Variants in AGAP1 observed in about 807,000 individuals in gnomAD.
The protein encoded by AGAP1 is ArfGAP with GTPase domain, ankyrin repeat and PH domain 1.
A neutral mutation model predicts 105.3 loss-of-function variants in AGAP1; 29 were observed. That is an observed-to-expected ratio of 0.28 (90% CI 0.21 to 0.38). The LOEUF (loss-of-function observed/expected upper bound fraction) is 0.38. AGAP1 is among the 10% of genes least tolerant of loss of function. AGAP1 has a pLI of 1.00. For missense variants in AGAP1, 998 were observed against 1,165.1 expected, an observed-to-expected ratio of 0.86 and a Z score of 2.09; for synonymous variants, 509 against 485.9, an observed-to-expected ratio of 1.05 and a Z score of -0.63.
intron 11 of AGAP1, among the ~76,000 whole-genome samples, chr2:235,926,390 A>G (rs2052446286): frequency 6.6e-6 from 1 of 152,160 alleles, no homozygotes; most frequent in Admixed American, 6.5e-5. Flanking sequence ...GAGATGCTCC[A>G]TGGGCGTGTT....
intron 1 of AGAP1, among the ~76,000 whole-genome samples, chr2:235,563,997 G>T (rs1432212674): frequency 6.6e-6 from 1 of 152,108 alleles, no homozygotes; most frequent in Non-Finnish European, 1.5e-5. Flanking sequence ...ATGCCTCCTG[G>T]AGCCTCTTTG....
At chr2:235,591,046 C>T (rs538285077) in intron 1 of AGAP1, among the ~76,000 whole-genome samples, 2 of 147,424 alleles carry the variant, frequency 1.4e-5, no homozygotes, top group African/African-American at 4.9e-5. Context: ...GAGACAGTCT[C>T]GCTCTGTTGC....
intron 1 of AGAP1, among the ~76,000 whole-genome samples, chr2:235,653,585 A>G (rs918108322): frequency 6.6e-6 from 1 of 152,230 alleles, no homozygotes; most frequent in Non-Finnish European, 1.5e-5. Flanking sequence ...CATCTCTTCT[A>G]CCTGAGTGGA....
chr2:235,957,920 C>A lies in AGAP1; in HGVS notation c.1484-10542C>A, dbSNP rs536090990. Among the ~76,000 whole-genome samples the A allele has an allele frequency of 6.6e-6, 1 of 152,008 alleles. No homozygotes were observed. Among genetic ancestry groups the A allele is most frequent in the Non-Finnish European group, 1.5e-5 (1 of 67,986 alleles). On this transcript the variant is annotated intron_variant, in intron 12 of 17. Coordinates refer to ENST00000304032, the MANE Select transcript of AGAP1 (RefSeq NM_001037131.3). The surrounding 1 kb of genome is among the most constrained non-coding windows in gnomAD (Gnocchi z 4.6). ...TTGATAATTTTAAATTATTTTAATA[C>A]CAAGCAAAAAAGGATTTTTAGTCAT...
intron 1 of AGAP1, among the ~76,000 whole-genome samples, chr2:235,589,913 T>G (rs1363744005): frequency 6.6e-6 from 1 of 151,774 alleles, no homozygotes; most frequent in Non-Finnish European, 1.5e-5. Flanking sequence ...TGGTATCTCG[T>G]TCTGTCGCCC....
intron 15 of AGAP1, among the ~76,000 whole-genome samples, chr2:236,041,990 A>G (rs3754659): frequency 0.67 from 101,283 of 152,102 alleles, 35,610 homozygotes; most frequent in African/African-American, 0.9. Context: ...AGGATTAGAG[A>G]TGCTTTTTGG....
At chr2:236,043,081 C>A (rs1197923930) in intron 15 of AGAP1, among the ~76,000 whole-genome samples, 1 of 152,174 alleles carries the variant, frequency 6.6e-6, no homozygotes, top group East Asian at 1.9e-4. Context: ...AATGGAAAGG[C>A]TCAGAAGATG....
intron 1 of AGAP1, among the ~76,000 whole-genome samples, chr2:235,661,052 T>G (rs761133790): frequency 4.6e-5 from 7 of 152,094 alleles, no homozygotes; most frequent in Non-Finnish European, 8.8e-5. Context: ...AATTGTACCC[T>G]CAGACTCTGA....
Position 235,582,517 on chromosome 2 carries a change from C to T in AGAP1, c.163+87668C>T, listed in dbSNP as rs189625782. Among the ~76,000 whole-genome samples, 67 of 152,168 alleles carry T rather than the reference C, an allele frequency of 4.4e-4. No individual in the cohort carries two copies. The highest frequency in any genetic ancestry group is 1.3e-4 in the Non-Finnish European group (9 of 68,016). ...CAGATCGTGGGGTTGGTTGGTCATGCGTGTAATTATGTGTTGAGGTTTGGT... is the reference window on the plus strand; with the variant it reads ...CAGATCGTGGGGTTGGTTGGTCATGTGTGTAATTATGTGTTGAGGTTTGGT... On this transcript the variant is annotated intron_variant, in intron 1 of 17. Transcript: ENST00000304032. This position sits in a 1 kb window ranked among gnomAD's most constrained non-coding sequence, Gnocchi z 4.7.
rs372433663 is a variant in AGAP1, at chr2:235,689,432, A to G, written c.164-19747A>G. On this transcript the variant is annotated intron_variant, in intron 1 of 17. Coordinates refer to ENST00000304032, the MANE Select transcript of AGAP1 (RefSeq NM_001037131.3). The surrounding 1 kb of genome is among the most constrained non-coding windows in gnomAD (Gnocchi z 4.2). ...AGTGCACTGATTATGTTTCCATTAC[A>G]CCATAGAACATAACAATTTTGACTG... Among the ~76,000 whole-genome samples the G allele has an allele frequency of 2.5e-3, 387 of 152,368 alleles. 5 individuals carry two copies. Among genetic ancestry groups the G allele is most frequent in the African/African-American group, 8.7e-3 (361 of 41,592 alleles).
rs1951545930 is a variant in AGAP1 at position 235,724,378 on chromosome 2, C to T, written c.310+6734C>T. On this transcript the variant is annotated intron_variant, in intron 3 of 17. Transcript: ENST00000304032. The surrounding 1 kb of genome is among the most constrained non-coding windows in gnomAD (Gnocchi z 4.9). ...AGCTCGGGCCACACATAGGCAGCAGCTGCCCCCATGCTCTGTCCCAGAGAC... is the reference window on the plus strand; with the variant it reads ...AGCTCGGGCCACACATAGGCAGCAGTTGCCCCCATGCTCTGTCCCAGAGAC... 6.6e-6 allele frequency among the ~76,000 whole-genome samples: 1 copy of T among 152,224 alleles called. No homozygotes were observed. Among genetic ancestry groups the T allele is most frequent in the African/African-American group, 2.4e-5 (1 of 41,460 alleles).
Position 235,736,056 on chromosome 2 carries a change from C to T in AGAP1, c.311-4907C>T, listed in dbSNP as rs1406394322. ...TTTACCTCCTGTGATATCCTTGTGT[C>T]CTGGGGAAGCACAGATTTCAGTGAG... On this transcript the variant is annotated intron_variant, in intron 3 of 17. Transcript: ENST00000304032. This position sits in a 1 kb window ranked among gnomAD's most constrained non-coding sequence, Gnocchi z 5.5. Among the ~76,000 whole-genome samples the T allele has an allele frequency of 6.6e-6, 1 of 151,722 alleles. No homozygotes were observed. The highest frequency in any genetic ancestry group is 6.6e-5 in the Admixed American group (1 of 15,226).
intron 6 of AGAP1, among the ~76,000 whole-genome samples, chr2:235,759,752 A>G (rs73996359): frequency 0.014 from 2,125 of 152,298 alleles, 50 homozygotes; most frequent in African/African-American, 0.049. Context: ...TTTATGAAAC[A>G]TGACATTGTC....
intron 11 of AGAP1, among the ~76,000 whole-genome samples, chr2:235,917,186 G>T (rs1481252555): frequency 6.6e-6 from 1 of 151,772 alleles, no homozygotes; most frequent in Non-Finnish European, 1.5e-5. Flanking sequence ...CCTACTTGAG[G>T]CCCCCAGCGG....
Position 236,044,916 on chromosome 2 carries a change from G to C in AGAP1, c.1891+4075G>C, listed in dbSNP as rs2057671241. Among the ~76,000 whole-genome samples the C allele has an allele frequency of 6.6e-6, 1 of 152,130 alleles. No homozygotes were observed. The highest frequency in any genetic ancestry group is 1.9e-4 in the East Asian group (1 of 5,164). ...AGATGGGGTCTCGCCCTATAGCCCA[G>C]GATGGAGTGCAGCAGAAAGGGTAGG... On this transcript the variant is annotated intron_variant, in intron 15 of 17. Coordinates refer to ENST00000304032, the MANE Select transcript of AGAP1 (RefSeq NM_001037131.3). The surrounding 1 kb of genome is among the most constrained non-coding windows in gnomAD (Gnocchi z 5.7).
At chr2:236,025,545 G>C (rs36000283) in intron 13 of AGAP1, among the ~76,000 whole-genome samples, 100,278 of 151,958 alleles carry the variant, frequency 0.66, 34,994 homozygotes, top group African/African-American at 0.89. Context: ...TCTATTCACT[G>C]TTTACATAAT....
At chr2:235,545,314 A>T (rs1943588335) in intron 1 of AGAP1, among the ~76,000 whole-genome samples, 1 of 152,188 alleles carries the variant, frequency 6.6e-6, no homozygotes, top group South Asian at 2.1e-4. Flanking sequence ...TACAGGTGTG[A>T]GTATTTAGCC....
chr2:236,119,133 A>G lies in AGAP1; in HGVS notation c.2115-1059A>G, dbSNP rs777385069. Among the ~76,000 whole-genome samples the G allele has an allele frequency of 2.0e-5, 3 of 152,088 alleles. No individual in the cohort carries two copies. Among genetic ancestry groups the G allele is most frequent in the South Asian group, 2.1e-4 (1 of 4,816 alleles). ...ATGTATTACACTGGCCAGGTCGGGC[A>G]GCCCCATCTCAGCCAGGTTGTGATG... On this transcript the variant is annotated intron_variant, in intron 16 of 17. Coordinates refer to ENST00000304032, the MANE Select transcript of AGAP1 (RefSeq NM_001037131.3). This position sits in a 1 kb window ranked among gnomAD's most constrained non-coding sequence, Gnocchi z 6.6.
intron 10 of AGAP1, among the ~76,000 whole-genome samples, chr2:235,884,048 A>G (rs1471950912): frequency 1.3e-5 from 2 of 152,242 alleles, no homozygotes; most frequent in African/African-American, 4.8e-5. Flanking sequence ...CGTTCTACCC[A>G]TTGATAAAAT....
Sources: allele counts gnomAD v4.1 joint callset (sites outside exome capture counted in the v4.1 genomes callset), GRCh38; gene constraint gnomAD v4.1.1; non-coding constraint Gnocchi (gnomAD v3.1); transcripts MANE v1.5; gene names NCBI Gene and HGNC (gene_info 2026-07-23, HGNC 2026-07-21).